CFH: variants seen among roughly 807,000 people sequenced by gnomAD.
The protein encoded by CFH is complement factor H.
CFH carries 53 observed loss-of-function variants against 147.3 expected under a neutral mutation model. The observed-to-expected ratio is 0.36, with a 90% CI of 0.29 to 0.45. The LOEUF is 0.45. CFH is among the 20% of genes least tolerant of loss of function. CFH has a pLI of 1.00. For synonymous variants in CFH, 536 were observed against 489.4 expected (o/e 1.10, Z -1.26); for missense variants, 1,380 against 1,498.0 (o/e 0.92, Z 1.30).
rs773074754 is a variant in CFH, at chr1:196,715,768, T to C, written c.1695T>C (p.Tyr565=). Residue 565 remains tyrosine, a splice_region_variant and synonymous_variant, in exon 11 of 22, where the codon TAT becomes TAC. Coordinates refer to ENST00000367429, the MANE Select transcript of CFH (RefSeq NM_000186.4). ...YNGWSDLPIC[Y]ERECELPKID... ...GTTGGTCTGATTTACCCATATGTTA[T>C]GGTAAGTACTGGTTTTTCAGAAATT... 3.8e-6 allele frequency: 6 copies of C among 1,598,884 alleles called. No homozygotes were observed. The highest frequency in any genetic ancestry group is 2.2e-5 in the East Asian group (1 of 44,646).
At chr1:196,711,917 T>C (rs1186211851) in intron 9 of CFH, among the ~76,000 whole-genome samples, 1 of 152,128 alleles carries the variant, frequency 6.6e-6, no homozygotes, top group Non-Finnish European at 1.5e-5. Context: ...TGGAAATTTG[T>C]AGAGCCCTTT....
intron 1 of CFH, among the ~76,000 whole-genome samples, chr1:196,657,557 A>G (rs1666746748): frequency 6.6e-6 from 1 of 152,196 alleles, no homozygotes; most frequent in African/African-American, 2.4e-5. Flanking sequence ...CCTGTGTGGG[A>G]GTCCTGGAAT....
intron 7 of CFH, 42 bp downstream of exon 7, chr1:196,685,279 A>G (rs1036491767): frequency 1.2e-6 from 2 of 1,601,438 alleles, no homozygotes; most frequent in Non-Finnish European, 1.7e-6. Flanking sequence ...TAATTCTGAA[A>G]TTTCTTTTAA....
At chr1:196,696,025 A>T (rs1046092880) in intron 9 of CFH, among the ~76,000 whole-genome samples, 1 of 151,868 alleles carries the variant, frequency 6.6e-6, no homozygotes, top group Non-Finnish European at 1.5e-5. Flanking sequence ...CTGGTCCAAA[A>T]CTCCCAATAC....
At chr1:196,701,195 A>T (rs1297252086) in intron 9 of CFH, 5 of 1,352,634 alleles carry the variant, frequency 3.7e-6, no homozygotes, top group Non-Finnish European at 5.3e-6. Flanking sequence ...TAGTGGAAGA[A>T]ATTACTAACT....
At chr1:196,700,915 C>G (rs773883426) in intron 9 of CFH, 2 of 938,634 alleles carry the variant, frequency 2.1e-6, no homozygotes, top group Non-Finnish European at 2.5e-6. Context: ...TTTCTCAGAG[C>G]AGCTGGCACC....
rs537046237 is a variant in CFH, at chr1:196,704,894, C to A, written c.1337-8841C>A. On this transcript the variant is annotated intron_variant, in intron 9 of 21. Transcript: ENST00000367429. ...GCTTATACATTATTCATGACTTTAACCAGTGAGTTGTACTGGTGTTCAGTC... is the reference window on the plus strand; with the variant it reads ...GCTTATACATTATTCATGACTTTAAACAGTGAGTTGTACTGGTGTTCAGTC... Among the ~76,000 whole-genome samples the A allele has an allele frequency of 2.6e-5, 4 of 152,286 alleles. No individual in the cohort carries two copies. In the East Asian group the frequency reaches 5.8e-4, roughly 22 times the overall value.
chr1:196,696,482 G>A (rs552484740), intron 9 of CFH, among the ~76,000 whole-genome samples: 95 of 152,190 alleles, frequency 6.2e-4, no homozygotes, highest in Admixed American at 1.2e-3. Context: ...AAAATTTATC[G>A]CACTAAATGC....
At chr1:196,700,348 A>G (rs1022415631) in intron 9 of CFH, among the ~76,000 whole-genome samples, 1 of 152,242 alleles carries the variant, frequency 6.6e-6, no homozygotes, top group African/African-American at 2.4e-5. Flanking sequence ...AAACCTTACA[A>G]TCTTATAAAA....
intron 1 of CFH, among the ~76,000 whole-genome samples, chr1:196,666,668 CG>C (rs1198031718): frequency 2.0e-5 from 3 of 151,340 alleles, no homozygotes; most frequent in Non-Finnish European, 2.9e-5. Flanking sequence ...AAAAAATAGC[CG>C]GGCATGGTGG....
chr1:196,668,626 G>A (rs1309271044), intron 1 of CFH, among the ~76,000 whole-genome samples: 2 of 152,080 alleles, frequency 1.3e-5, no homozygotes. Flanking sequence ...GTTCTTATGA[G>A]ATTTAATGGT....
intron 1 of CFH, among the ~76,000 whole-genome samples, chr1:196,659,811 C>T (rs1299432622): frequency 2.6e-5 from 4 of 152,060 alleles, no homozygotes; most frequent in African/African-American, 4.8e-5. Flanking sequence ...GTCCCATCTC[C>T]TATCTCAATA....
Position 196,699,301 on chromosome 1 carries a change from G to A in CFH, c.1336+9062G>A, listed in dbSNP as rs559431958. On this transcript the variant is annotated intron_variant, in intron 9 of 21. Transcript: ENST00000367429. ...ATTGCATTCCCTAGTGACTAATGCTGCTTAGCATCTTCTTTGTACTTATTT... is the reference window on the plus strand; with the variant it reads ...ATTGCATTCCCTAGTGACTAATGCTACTTAGCATCTTCTTTGTACTTATTT... Among the ~76,000 whole-genome samples the A allele has an allele frequency of 2.6e-5, 4 of 152,136 alleles. No homozygotes were observed. In the South Asian group the frequency reaches 8.3e-4, roughly 32 times the overall value.
chr1:196,744,083 GT>G (rs1652916113), intron 20 of CFH, among the ~76,000 whole-genome samples: 1 of 152,050 alleles, frequency 6.6e-6, no homozygotes, highest in Non-Finnish European at 1.5e-5. Context: ...ATAGTCCTGG[GT>G]CATTCTAATA....
chr1:196,688,584 A>C (rs1034842012), intron 7 of CFH, among the ~76,000 whole-genome samples: 7 of 152,042 alleles, frequency 4.6e-5, no homozygotes, highest in African/African-American at 1.7e-4. Context: ...GTCTGCAATA[A>C]ATAGGAAAGA....
At chr1:196,673,253 T>C (rs1205214642) in intron 2 of CFH, 90 bp downstream of exon 2, 3 of 1,152,098 alleles carry the variant, frequency 2.6e-6, no homozygotes, top group Non-Finnish European at 3.9e-6. Flanking sequence ...CTGAATTATA[T>C]CACTATTGCC....
At chr1:196,715,399 G>A (rs1386844821) in intron 10 of CFH, among the ~76,000 whole-genome samples, 194 bp from the exon 11 acceptor site, 1 of 151,922 alleles carries the variant, frequency 6.6e-6, no homozygotes, top group Admixed American at 6.6e-5. Context: ...AAAAAATGTT[G>A]TGTAGAAAGA....
At chr1:196,735,441 C>T (rs992795216) in intron 15 of CFH, among the ~76,000 whole-genome samples, 12 of 152,154 alleles carry the variant, frequency 7.9e-5, no homozygotes, top group African/African-American at 2.9e-4. Context: ...CAATGTTCTT[C>T]AAATTTATTT....
At chr1:196,705,019 T>C (rs1484831739) in intron 9 of CFH, among the ~76,000 whole-genome samples, 4 of 152,172 alleles carry the variant, frequency 2.6e-5, no homozygotes, top group Non-Finnish European at 5.9e-5. Flanking sequence ...AGCTAAATGA[T>C]AGTATTGCTG....
Sources: allele counts gnomAD v4.1 joint callset (sites outside exome capture counted in the v4.1 genomes callset), GRCh38; gene constraint gnomAD v4.1.1; transcripts MANE v1.5; gene names NCBI Gene and HGNC (gene_info 2026-07-23, HGNC 2026-07-21).